Variants in LRRC27 observed in about 807,000 individuals in gnomAD.
The protein encoded by LRRC27 is leucine rich repeat containing 27, also known as leucine-rich repeat-containing protein 27.
A neutral mutation model predicts 55.0 loss-of-function variants in LRRC27; 57 were observed. The observed-to-expected ratio is 1.04, with a 90% CI of 0.84 to 1.29. The LOEUF is 1.29. LRRC27 is among the 50% of genes most tolerant of loss of function. The probability of loss-of-function intolerance (pLI) is 0.00; values close to 1 mark genes in which losing one functional copy is unlikely to be tolerated. For synonymous variants in LRRC27, 278 were observed against 251.9 expected, an observed-to-expected ratio of 1.10 and a Z score of -0.98; for missense variants, 721 against 651.5, an observed-to-expected ratio of 1.11 and a Z score of -1.16.
intron 9 of LRRC27, 45 bp downstream of exon 9, chr10:132,361,620 G>GCCAC: frequency 7.4e-7 from 1 of 1,356,866 alleles, no homozygotes; most frequent in Non-Finnish European, 1.1e-6. Context: ...GGCTCAGCCA[G>GCCAC]CCACCCACGG....
intron 8 of LRRC27, among the ~76,000 whole-genome samples, chr10:132,361,109 G>A (rs747514416): frequency 6.6e-6 from 1 of 152,206 alleles, no homozygotes; most frequent in Non-Finnish European, 1.5e-5. Context: ...ATCTAAGGAC[G>A]CCTGTAGGAA....
At chr10:132,332,732 C>T (rs988609326) in intron 1 of LRRC27, among the ~76,000 whole-genome samples, 2 of 147,960 alleles carry the variant, frequency 1.4e-5, no homozygotes, top group East Asian at 1.9e-4. Flanking sequence ...CGCCTCTACC[C>T]CCCAATTAAC....
intron 7 of LRRC27, chr10:132,353,328 CAGGGCTCTTG>C: frequency 1.8e-6 from 2 of 1,128,520 alleles, no homozygotes; most frequent in Non-Finnish European, 2.2e-6. Context: ...CTGACTGGCA[CAGGGCTCTTG>C]CACCGCCCCT....
intron 9 of LRRC27, among the ~76,000 whole-genome samples, chr10:132,364,872 A>G: frequency 5.6e-5 from 1 of 17,786 alleles, no homozygotes; most frequent in Non-Finnish European, 2.3e-4. Context: ...CGCAGACTGG[A>G]GTGGACCCCG....
intron 9 of LRRC27, among the ~76,000 whole-genome samples, chr10:132,362,454 G>C (rs976236393): frequency 2.6e-5 from 4 of 152,186 alleles, no homozygotes; most frequent in Non-Finnish European, 5.9e-5. Flanking sequence ...TCACGGGGCA[G>C]GACACGCTCC....
At chr10:132,375,005 G>A (rs1300147845) in intron 10 of LRRC27, 61 bp from the exon 11 acceptor site, 17 of 1,514,360 alleles carry the variant, frequency 1.1e-5, no homozygotes, top group Middle Eastern at 2.4e-4. Flanking sequence ...AGCCAGAGAC[G>A]TGGTGACGCC....
chr10:132,342,073 GTA>G, intron 3 of LRRC27, 138 bp from the exon 4 acceptor site: 1 of 602,316 alleles, frequency 1.7e-6, no homozygotes, highest in Non-Finnish European at 2.9e-6. Flanking sequence ...CCATTTGTGT[GTA>G]CATGTTGTAA....
chr10:132,353,226 C>A, intron 7 of LRRC27: 1 of 1,330,356 alleles, frequency 7.5e-7, no homozygotes, highest in Non-Finnish European at 9.7e-7. Flanking sequence ...TTGTGAGCTG[C>A]CTGGAGCTGG....
rs888724968 is a variant in LRRC27 at position 132,371,173 on chromosome 10, C to T, written c.1417-3893C>T. Among the ~76,000 whole-genome samples, 116 of 152,258 alleles carry T rather than the reference C, an allele frequency of 7.6e-4. 1 individual carries two copies. Among genetic ancestry groups the T allele is most frequent in the African/African-American group, 2.3e-3 (97 of 41,472 alleles). On this transcript the variant is annotated intron_variant, in intron 10 of 10. Transcript: ENST00000368614. ...TTCCTTCAAGGCATCTGCGCAGTGC[C>T]GCGCATGGCGTGGCGCTGGCAAGGA...
chr10:132,352,113 TGTGGGGCAGGCGCTGAGGCCTCC>T (rs2068056241), intron 7 of LRRC27, among the ~76,000 whole-genome samples: 1 of 67,780 alleles, frequency 1.5e-5, no homozygotes, highest in African/African-American at 5.8e-5. Context: ...GAGGCCTCCG[TGTGGGGCAGGCGCTGAGGCCTCC>T]GTGTGGGGCA....
At chr10:132,363,766 T>G (rs940999180) in intron 9 of LRRC27, among the ~76,000 whole-genome samples, 14 of 152,092 alleles carry the variant, frequency 9.2e-5, no homozygotes, top group African/African-American at 3.4e-4. Flanking sequence ...CCACTCAGTT[T>G]AACGTACCCT....
intron 10 of LRRC27, chr10:132,366,773 C>T (rs2133093862): frequency 9.0e-7 from 1 of 1,116,000 alleles, no homozygotes; most frequent in Non-Finnish European, 1.1e-6. Context: ...AGGAAGCAAC[C>T]CTGGCCTTCC....
rs529860490 is a variant in LRRC27 at position 132,371,176 on chromosome 10, G to A, written c.1417-3890G>A. Among the ~76,000 whole-genome samples, 13 of 152,384 alleles carry A rather than the reference G, an allele frequency of 8.5e-5. No homozygotes were observed. The East Asian group carries it at 2.1e-3, about 25-fold the overall frequency. ...CTTCAAGGCATCTGCGCAGTGCCGC[G>A]CATGGCGTGGCGCTGGCAAGGAGTC... is the stretch of plus-strand genomic sequence containing the variant. On this transcript the variant is annotated intron_variant, in intron 10 of 10. Coordinates refer to ENST00000368614, the MANE Select transcript of LRRC27 (RefSeq NM_030626.3).
intron 7 of LRRC27, among the ~76,000 whole-genome samples, chr10:132,354,253 T>G (rs1031055218): frequency 6.6e-6 from 1 of 152,210 alleles, no homozygotes; most frequent in African/African-American, 2.4e-5. Flanking sequence ...TTCTTTATTT[T>G]CCTGCCTGGA....
intron 6 of LRRC27, chr10:132,350,841 C>T (rs1590658956): frequency 6.6e-6 from 1 of 152,296 alleles, no homozygotes; most frequent in East Asian, 1.9e-4. Flanking sequence ...GAGGAGTTGT[C>T]ATGTTCTGGA....
At chr10:132,368,848 A>G (rs1460414321) in intron 10 of LRRC27, among the ~76,000 whole-genome samples, 1 of 152,224 alleles carries the variant, frequency 6.6e-6, no homozygotes, top group African/African-American at 2.4e-5. Context: ...AGACACTGCC[A>G]AAAGGATAAG....
intron 10 of LRRC27, among the ~76,000 whole-genome samples, chr10:132,373,946 G>T (rs1018028456): frequency 7.9e-5 from 12 of 152,186 alleles, no homozygotes; most frequent in Non-Finnish European, 1.3e-4. Flanking sequence ...AGCAAAATTC[G>T]TTATCAATGA....
intron 9 of LRRC27, among the ~76,000 whole-genome samples, chr10:132,364,079 C>T (rs866746009): frequency 2.0e-4 from 31 of 152,154 alleles, no homozygotes; most frequent in Middle Eastern, 3.4e-3. Context: ...CCCCATCACC[C>T]TGGGCACAGT....
intron 8 of LRRC27, among the ~76,000 whole-genome samples, chr10:132,357,812 T>C (rs2068374481): frequency 6.6e-6 from 1 of 152,258 alleles, no homozygotes; most frequent in Non-Finnish European, 1.5e-5. Flanking sequence ...ATTGATGGCC[T>C]GCTCTGAGCA....
Sources: allele counts gnomAD v4.1 joint callset (sites outside exome capture counted in the v4.1 genomes callset), GRCh38; gene constraint gnomAD v4.1.1; transcripts MANE v1.5; gene names NCBI Gene and HGNC (gene_info 2026-07-23, HGNC 2026-07-21).